Variants in NPAS3 observed in about 807,000 individuals in gnomAD.
NPAS3 encodes the protein neuronal PAS domain-containing protein 3.
In NPAS3, 14 loss-of-function variants were observed where a neutral mutation model predicts 73.1. The ratio of observed to expected loss-of-function variants is 0.19; its 90% confidence interval spans 0.13 to 0.30. NPAS3 has a LOEUF of 0.30. Among genes scored for constraint, NPAS3 ranks in the 10% least tolerant of loss-of-function variants. The pLI is 1.00. For missense variants in NPAS3, 1,096 were observed against 1,250.0 expected, an observed-to-expected ratio of 0.88 and a Z score of 1.86; for synonymous variants, 620 against 541.5, an observed-to-expected ratio of 1.14 and a Z score of -2.01.
chr14:33,072,699 C>T (rs950893718), intron 2 of NPAS3, among the ~76,000 whole-genome samples: 3 of 152,168 alleles, frequency 2.0e-5, no homozygotes, highest in African/African-American at 7.2e-5. Flanking sequence ...GCAGGGGATG[C>T]TGTGGGTCAG....
At chr14:33,223,921 C>T (rs549517270) in intron 3 of NPAS3, among the ~76,000 whole-genome samples, 1 of 151,848 alleles carries the variant, frequency 6.6e-6, no homozygotes, top group Non-Finnish European at 1.5e-5. Context: ...TAAGATAGCA[C>T]ATAATGAAGT....
intron 4 of NPAS3, among the ~76,000 whole-genome samples, chr14:33,409,670 C>T (rs2047832693): frequency 6.6e-6 from 1 of 152,170 alleles, no homozygotes; most frequent in Non-Finnish European, 1.5e-5. Flanking sequence ...CAGTAAGATT[C>T]ATTCATTAGC....
intron 1 of NPAS3, among the ~76,000 whole-genome samples, chr14:32,951,314 A>G (rs1271734939): frequency 1.3e-5 from 2 of 152,118 alleles, no homozygotes; most frequent in Non-Finnish European, 2.9e-5. Context: ...TGTTTTTCCA[A>G]TGGCATTAAC....
chr14:33,056,826 A>G (rs374524807), intron 2 of NPAS3, among the ~76,000 whole-genome samples: 39 of 152,352 alleles, frequency 2.6e-4, no homozygotes, highest in African/African-American at 8.7e-4. Flanking sequence ...AAATTCTCCT[A>G]TGGAAAATGG....
Position 33,024,983 on chromosome 14 carries a change from T to C in NPAS3, c.51-30922T>C, listed in dbSNP as rs773747102. On this transcript the variant is annotated intron_variant, in intron 1 of 11. Transcript: ENST00000356141. ...CATCCTATAGCTATGCTTTCTAAAC[T>C]ATTCTTAACATATTTGTGCATATCT... Among the ~76,000 whole-genome samples the C allele has an allele frequency of 1.2e-4, 18 of 152,230 alleles. 1 individual carries two copies. The highest frequency in any genetic ancestry group is 2.4e-4 in the Non-Finnish European group (16 of 68,036).
intron 7 of NPAS3, among the ~76,000 whole-genome samples, chr14:33,739,512 G>A (rs899943233): frequency 1.3e-5 from 2 of 152,156 alleles, no homozygotes; most frequent in Non-Finnish European, 2.9e-5. Flanking sequence ...AAATTATTTT[G>A]CCTTCTCTAA....
At chr14:33,548,118 A>T (rs2054932138) in intron 4 of NPAS3, among the ~76,000 whole-genome samples, 1 of 152,240 alleles carries the variant, frequency 6.6e-6, no homozygotes, top group Non-Finnish European at 1.5e-5. Flanking sequence ...GTTGTTGGGA[A>T]TTCGGATGCC....
intron 3 of NPAS3, among the ~76,000 whole-genome samples, chr14:33,253,544 A>G (rs1161401280): frequency 6.6e-6 from 1 of 151,916 alleles, no homozygotes; most frequent in African/African-American, 2.4e-5. Context: ...CACTCTGCCA[A>G]TTTTCACCCT....
At chr14:33,488,416 A>T (rs1595009603) in intron 4 of NPAS3, among the ~76,000 whole-genome samples, 1 of 152,034 alleles carries the variant, frequency 6.6e-6, no homozygotes, top group East Asian at 1.9e-4. Context: ...CCGTGCACAG[A>T]CTCCAAGTCT....
chr14:33,440,697 A>G (rs1284769587), intron 4 of NPAS3, among the ~76,000 whole-genome samples: 1 of 152,164 alleles, frequency 6.6e-6, no homozygotes, highest in Non-Finnish European at 1.5e-5. Flanking sequence ...GTTCAAGACC[A>G]GCCTGGCCAA....
chr14:32,946,877 T>G (rs2139106396), intron 1 of NPAS3, among the ~76,000 whole-genome samples: 1 of 152,212 alleles, frequency 6.6e-6, no homozygotes, highest in South Asian at 2.1e-4. Context: ...ACTACAAAAT[T>G]TTTAACCACC....
intron 4 of NPAS3, among the ~76,000 whole-genome samples, chr14:33,418,667 T>C (rs2048252835): frequency 8.6e-6 from 1 of 115,788 alleles, no homozygotes; most frequent in South Asian, 2.9e-4. Flanking sequence ...ATTTTTTATT[T>C]TTATTTTTAA....
At chr14:33,389,322 T>A in intron 4 of NPAS3, among the ~76,000 whole-genome samples, 1 of 152,236 alleles carries the variant, frequency 6.6e-6, no homozygotes, top group Non-Finnish European at 1.5e-5. Context: ...AATGACAAAG[T>A]CATTTCTTTT....
intron 3 of NPAS3, among the ~76,000 whole-genome samples, chr14:33,266,624 CAGATG>C (rs1159747947): frequency 6.6e-6 from 1 of 152,136 alleles, no homozygotes; most frequent in Admixed American, 6.5e-5. Context: ...CCTCATTTTA[CAGATG>C]AGATAAGAAA....
At chr14:33,181,062 A>G (rs2045781226) in intron 2 of NPAS3, among the ~76,000 whole-genome samples, 1 of 152,112 alleles carries the variant, frequency 6.6e-6, no homozygotes. Context: ...TCAATTTTTG[A>G]CTTCACCTCA....
At chr14:33,597,732 C>T (rs1312286784) in intron 5 of NPAS3, among the ~76,000 whole-genome samples, 1 of 152,178 alleles carries the variant, frequency 6.6e-6, no homozygotes, top group East Asian at 1.9e-4. Flanking sequence ...CTGAGCTGGC[C>T]GGCACTGGCC....
intron 4 of NPAS3, among the ~76,000 whole-genome samples, chr14:33,477,881 G>T (rs557201122): frequency 6.6e-6 from 1 of 152,244 alleles, no homozygotes; most frequent in Non-Finnish European, 1.5e-5. Context: ...CTTCTTCTGT[G>T]GTCATTATCT....
chr14:33,173,668 A>G (rs1256759505), intron 2 of NPAS3, among the ~76,000 whole-genome samples: 1 of 152,316 alleles, frequency 6.6e-6, no homozygotes, highest in East Asian at 1.9e-4. Context: ...ACCAGGAAGA[A>G]TTCTAGGAAA....
At chr14:33,449,435 T>A (rs761372499) in intron 4 of NPAS3, among the ~76,000 whole-genome samples, 3 of 152,194 alleles carry the variant, frequency 2.0e-5, no homozygotes, top group Non-Finnish European at 4.4e-5. Context: ...ACTGAGTAGT[T>A]GCAACGGAGG....
Sources: allele counts gnomAD v4.1 joint callset (sites outside exome capture counted in the v4.1 genomes callset), GRCh38; gene constraint gnomAD v4.1.1; transcripts MANE v1.5; gene names NCBI Gene and HGNC (gene_info 2026-07-23, HGNC 2026-07-21).